FGF14: variants seen among roughly 807,000 people sequenced by gnomAD.
FGF14 encodes fibroblast growth factor homologous factor 4.
In FGF14, 5 loss-of-function variants were observed where a neutral mutation model predicts 25.5. The ratio of observed to expected loss-of-function variants is 0.20; its 90% CI spans 0.10 to 0.41. FGF14 has a LOEUF of 0.41. FGF14 is among the 10% of genes least tolerant of loss of function. The pLI, the probability that FGF14 is intolerant of heterozygous loss-of-function variation, is 1.00. For synonymous variants in FGF14, 138 were observed against 118.3 expected (o/e 1.17, Z -1.08); for missense variants, 222 against 320.1 (o/e 0.69, Z 2.34).
At chr13:102,002,273 T>C (rs1368241332) in intron 1 of FGF14, 2 of 152,160 alleles carry the variant, frequency 1.3e-5, no homozygotes, top group Non-Finnish European at 2.9e-5. Context: ...AATCTGGCCA[T>C]AGAAGATTGG....
At chr13:101,795,538 T>C (rs17625019) in intron 3 of FGF14, among the ~76,000 whole-genome samples, 2,404 of 152,222 alleles carry the variant, frequency 0.016, 34 homozygotes, top group East Asian at 0.058. Context: ...ACTCATATCA[T>C]AGAATAGTGG....
intron 1 of FGF14, among the ~76,000 whole-genome samples, chr13:101,987,518 G>A (rs925915487): frequency 6.6e-6 from 1 of 152,026 alleles, no homozygotes; most frequent in African/African-American, 2.4e-5. Flanking sequence ...AACATAGCAA[G>A]TTTTAGCACT....
At chr13:101,812,800 G>T (rs1035564603) in intron 3 of FGF14, among the ~76,000 whole-genome samples, 9 of 150,300 alleles carry the variant, frequency 6.0e-5, no homozygotes, top group Non-Finnish European at 7.4e-5. Context: ...CTGAGTAGCT[G>T]GGATTACAGG....
chr13:101,804,561 T>C (rs183243885), intron 3 of FGF14, among the ~76,000 whole-genome samples: 1 of 152,208 alleles, frequency 6.6e-6, no homozygotes, highest in African/African-American at 2.4e-5. Flanking sequence ...TGCACTTAAA[T>C]CACAACTCCA....
At chr13:101,899,235 A>G (rs2031189875) in intron 1 of FGF14, among the ~76,000 whole-genome samples, 1 of 152,152 alleles carries the variant, frequency 6.6e-6, no homozygotes, top group Non-Finnish European at 1.5e-5. Flanking sequence ...AGACGATAAA[A>G]TCATAGCTTC....
intron 1 of FGF14, among the ~76,000 whole-genome samples, chr13:102,028,957 C>A (rs1437240258): frequency 1.3e-5 from 2 of 152,046 alleles, no homozygotes; most frequent in Non-Finnish European, 2.9e-5. Flanking sequence ...GGGGAAGGAG[C>A]ATTCAGCTAA....
chr13:102,379,474 A>G (rs1206288345), intron 1 of FGF14, among the ~76,000 whole-genome samples: 1 of 151,628 alleles, frequency 6.6e-6, no homozygotes, highest in Non-Finnish European at 1.5e-5. Context: ...ACCTTTATAT[A>G]TGGGTGTGTG....
intron 1 of FGF14, among the ~76,000 whole-genome samples, chr13:102,161,629 A>AAGAAGG (rs2047708119): frequency 1.1e-4 from 1 of 8,702 alleles, no homozygotes; most frequent in Non-Finnish European, 1.9e-4. Flanking sequence ...GAAGAAGAAG[A>AAGAAGG]AGAAGAAGAA....
At chr13:102,167,654 T>G (rs1324004900) in intron 1 of FGF14, among the ~76,000 whole-genome samples, 2 of 152,128 alleles carry the variant, frequency 1.3e-5, no homozygotes, top group Non-Finnish European at 2.9e-5. Flanking sequence ...AAATAGGAAG[T>G]CTGAAAAGTA....
intron 1 of FGF14, among the ~76,000 whole-genome samples, chr13:102,199,695 A>G (rs2049526161): frequency 6.6e-6 from 1 of 152,126 alleles, no homozygotes; most frequent in Non-Finnish European, 1.5e-5. Context: ...CTCCACAGCC[A>G]GTCTACACTC....
intron 1 of FGF14, among the ~76,000 whole-genome samples, chr13:102,298,828 G>A (rs1441606882): frequency 1.3e-5 from 2 of 152,124 alleles, no homozygotes; most frequent in African/African-American, 4.8e-5. Context: ...AAATTCCGGT[G>A]TCTGAGAAAA....
chr13:102,081,747 T>G (rs2140198025), intron 1 of FGF14, among the ~76,000 whole-genome samples: 1 of 152,360 alleles, frequency 6.6e-6, no homozygotes, highest in Admixed American at 6.5e-5. Context: ...AACTACAAAC[T>G]CTTTATATCT....
chr13:102,397,271 G>C (rs2139274209), intron 1 of FGF14, among the ~76,000 whole-genome samples: 1 of 152,270 alleles, frequency 6.6e-6, no homozygotes, highest in South Asian at 2.1e-4. Flanking sequence ...GGCATACCAG[G>C]TGTTTTGGCA....
chr13:102,384,918 C>A (rs2058266202), intron 1 of FGF14, among the ~76,000 whole-genome samples: 1 of 152,050 alleles, frequency 6.6e-6, no homozygotes, highest in Non-Finnish European at 1.5e-5. Context: ...CAGGACAGCA[C>A]CTACACCAGA....
intron 1 of FGF14, among the ~76,000 whole-genome samples, chr13:102,173,302 A>G (rs2048320419): frequency 6.6e-6 from 1 of 152,174 alleles, no homozygotes; most frequent in Non-Finnish European, 1.5e-5. Flanking sequence ...GCACCTGTTA[A>G]GATGACTGTC....
At chr13:101,953,599 T>A (rs1297537602) in intron 1 of FGF14, among the ~76,000 whole-genome samples, 3 of 149,158 alleles carry the variant, frequency 2.0e-5, no homozygotes, top group Admixed American at 6.7e-5. Context: ...ATTTTTATTT[T>A]TTTTTTTTGA....
At chr13:102,028,621 T>C (rs2139918156) in intron 1 of FGF14, among the ~76,000 whole-genome samples, 1 of 152,222 alleles carries the variant, frequency 6.6e-6, no homozygotes, top group Admixed American at 6.5e-5. Context: ...TTCTAGGCAC[T>C]TAAGTAAATA....
intron 1 of FGF14, among the ~76,000 whole-genome samples, chr13:101,931,422 G>T (rs1450578165): frequency 6.6e-6 from 1 of 152,056 alleles, no homozygotes; most frequent in Non-Finnish European, 1.5e-5. Flanking sequence ...ACATTTTGAT[G>T]CTCTCTTTAG....
At chr13:101,822,537 T>C (rs2042206997) in intron 3 of FGF14, among the ~76,000 whole-genome samples, 1 of 151,352 alleles carries the variant, frequency 6.6e-6, no homozygotes, top group Non-Finnish European at 1.5e-5. Context: ...TGGATCCTAA[T>C]AAATCTTTAG....
Sources: gnomAD v4.1 joint callset for allele counts (sites outside exome capture counted in the v4.1 genomes callset) on GRCh38, gnomAD v4.1.1 for gene constraint, MANE v1.5 for transcripts, NCBI Gene and HGNC (gene_info 2026-07-23, HGNC 2026-07-21) for gene names.